Variants in NDUFA9 observed in about 807,000 individuals in gnomAD.
The protein encoded by NDUFA9 is NADH:ubiquinone oxidoreductase subunit A9, also known as NADH dehydrogenase [ubiquinone] 1 alpha subcomplex subunit 9, mitochondrial.
Under a neutral mutation model 45.9 loss-of-function variants are expected in NDUFA9, and 23 were observed. The observed-to-expected ratio is 0.50, with a 90% CI of 0.36 to 0.71. NDUFA9 has a LOEUF of 0.71. NDUFA9 is among the 30% of genes least tolerant of loss of function. The probability of loss-of-function intolerance (pLI) is 0.00; values close to 1 mark genes in which losing one functional copy is unlikely to be tolerated. For missense variants in NDUFA9, 466 were observed against 488.2 expected (o/e 0.95, Z 0.43); for synonymous variants, 176 against 170.5 (o/e 1.03, Z -0.25).
chr12:4,658,607 C>A (rs1482806308), intron 4 of NDUFA9, among the ~76,000 whole-genome samples: 1 of 152,138 alleles, frequency 6.6e-6, no homozygotes, highest in Non-Finnish European at 1.5e-5. Context: ...CTTTAAAGGG[C>A]CTCAGCCTCA....
intron 3 of NDUFA9, chr12:4,657,429 T>C: frequency 4.7e-6 from 1 of 210,632 alleles, no homozygotes; most frequent in Non-Finnish European, 9.5e-6. Context: ...CCTGGGTTTC[T>C]TTTCAAACTT....
rs565309065 is a variant in NDUFA9 at position 4,651,405 on chromosome 12, G to A, written c.49+2230G>A. Among the ~76,000 whole-genome samples, 4 of 152,074 alleles carry A rather than the reference G, an allele frequency of 2.6e-5. No homozygotes were observed. In the South Asian group the frequency reaches 8.3e-4, roughly 32 times the overall value. ...CACTGTGACAGATGCTTGCCCATAT[G>A]TTATTCTCATTAACCCTTTAAACTG... On this transcript the variant is annotated intron_variant, in intron 1 of 10. Transcript: ENST00000266544.
At chr12:4,664,108 G>A (rs753782579) in intron 6 of NDUFA9, among the ~76,000 whole-genome samples, 27 of 152,156 alleles carry the variant, frequency 1.8e-4, no homozygotes, top group Non-Finnish European at 1.5e-4. Flanking sequence ...GAGAGAAAGA[G>A]GAAATGAAGA....
chr12:4,666,279 G>A (rs1945852766), intron 6 of NDUFA9, among the ~76,000 whole-genome samples: 1 of 152,076 alleles, frequency 6.6e-6, no homozygotes, highest in Non-Finnish European at 1.5e-5. Flanking sequence ...TATTTATTCA[G>A]AACATTAAAT....
chr12:4,672,613 G>A (rs1945894186), intron 8 of NDUFA9, among the ~76,000 whole-genome samples: 1 of 152,208 alleles, frequency 6.6e-6, no homozygotes, highest in Non-Finnish European at 1.5e-5. Context: ...AAAGCCACCA[G>A]GAAGTTCAAA....
chr12:4,676,152 G>C (rs988072286), intron 8 of NDUFA9, among the ~76,000 whole-genome samples: 5 of 152,088 alleles, frequency 3.3e-5, no homozygotes, highest in African/African-American at 1.2e-4. Context: ...AAAATAATAA[G>C]AGCTATTTAT....
rs143792234 is a variant in NDUFA9 at position 4,655,033 on chromosome 12, G to A, written c.318+111G>A. ...TAATTTCTTCCCAGAATGGACCAAA[G>A]GCATCCTCTGTTCCCAGGTCATTCT... On this transcript the variant is annotated intron_variant, in intron 3 of 10. Coordinates refer to ENST00000266544, the MANE Select transcript of NDUFA9 (RefSeq NM_005002.5). 618 of 764,662 alleles carry A rather than the reference G, an allele frequency of 8.1e-4. 9 individuals are homozygous for A. In the East Asian group the frequency reaches 0.016, roughly 20 times the overall value. The allele number at this position is 764,662 out of a possible 1,614,324, so 47.4% of individuals were successfully genotyped here. A position where few individuals can be genotyped will look rare whatever the true frequency, so the allele number is the denominator to read the frequency against.
intron 1 of NDUFA9, 143 bp from the exon 2 acceptor site, chr12:4,654,149 T>C: frequency 2.8e-6 from 2 of 721,038 alleles, no homozygotes; most frequent in South Asian, 2.0e-5. Flanking sequence ...AGTTTGTGTT[T>C]ATTATTGCCC....
At chr12:4,669,475 C>T (rs2034257410) in intron 7 of NDUFA9, among the ~76,000 whole-genome samples, 1 of 152,138 alleles carries the variant, frequency 6.6e-6, no homozygotes, top group Admixed American at 6.5e-5. Context: ...TTGGATGAGC[C>T]TTGGATTATG....
chr12:4,665,193 A>G (rs1945846090), intron 6 of NDUFA9, among the ~76,000 whole-genome samples: 1 of 152,170 alleles, frequency 6.6e-6, no homozygotes, highest in South Asian at 2.1e-4. Context: ...CAATCCCCAG[A>G]ACTTTTTCAT....
chr12:4,659,270 A>G (rs1945809883), intron 5 of NDUFA9, 93 bp downstream of exon 5: 1 of 1,170,122 alleles, frequency 8.5e-7, no homozygotes, highest in Non-Finnish European at 1.2e-6. Flanking sequence ...TTTATCACAG[A>G]CATATGTAGA....
At chr12:4,654,529 G>T (rs1482636733) in intron 2 of NDUFA9, 67 bp downstream of exon 2, 4 of 1,513,274 alleles carry the variant, frequency 2.6e-6, no homozygotes, top group Non-Finnish European at 3.6e-6. Flanking sequence ...TGAGAAGCAT[G>T]AGCTATGTTT....
In NDUFA9 at chr12:4,668,441, T is replaced by TTC. The variant is rs1945865972; in HGVS notation, c.656-14_656-13dup. 3.1e-6 allele frequency: 5 copies of TTC among 1,608,578 alleles called. No individual in the cohort carries two copies. Among genetic ancestry groups the TTC allele is most frequent in the Non-Finnish European group, 3.4e-6 (4 of 1,175,050 alleles). On this transcript the variant is annotated splice_polypyrimidine_tract_variant and intron_variant, in intron 6 of 10. Coordinates refer to ENST00000266544, the MANE Select transcript of NDUFA9 (RefSeq NM_005002.5). ...TTAAGCCTTCTCAGTATAGTTCTCA[T>TTC]TCTTTCTTCCGCTAGGTATGCATCG...
chr12:4,653,534 GT>G, intron 1 of NDUFA9: 3 of 420,718 alleles, frequency 7.1e-6, no homozygotes, highest in Non-Finnish European at 1.4e-5. Flanking sequence ...GTTCATTCTA[GT>G]ACCAAGAACC....
rs369213754 is a variant in NDUFA9 at position 4,674,521 on chromosome 12, C to G, written c.800+4704C>G. ...GGAAAGCAAAAAAAGGCAGGAGTTGCAATCCTACTCTGATAAAACAGACTT... is the reference window on the plus strand; with the variant it reads ...GGAAAGCAAAAAAAGGCAGGAGTTGGAATCCTACTCTGATAAAACAGACTT... On this transcript the variant is annotated intron_variant, in intron 8 of 10. Coordinates refer to ENST00000266544, the MANE Select transcript of NDUFA9 (RefSeq NM_005002.5). 1.4e-4 allele frequency among the ~76,000 whole-genome samples: 22 copies of G among 152,272 alleles called. 1 individual carries two copies. In the South Asian group the frequency reaches 4.6e-3, roughly 32 times the overall value.
At chr12:4,676,544 A>G (rs1324596909) in intron 8 of NDUFA9, among the ~76,000 whole-genome samples, 3 of 152,246 alleles carry the variant, frequency 2.0e-5, no homozygotes, top group Non-Finnish European at 4.4e-5. Flanking sequence ...TTCATTCACA[A>G]TTGCTACAAA....
intron 8 of NDUFA9, among the ~76,000 whole-genome samples, chr12:4,679,566 A>C (rs192620519): frequency 6.6e-6 from 1 of 152,306 alleles, no homozygotes; most frequent in East Asian, 1.9e-4. Flanking sequence ...GTTGGCAACT[A>C]TATTGGATGC....
rs184964180 is a variant in NDUFA9, at chr12:4,661,599, A to C, written c.553-934A>C. Among the ~76,000 whole-genome samples the C allele has an allele frequency of 1.3e-5, 2 of 152,018 alleles. 1 individual carries two copies. Among genetic ancestry groups the C allele is most frequent in the Admixed American group, 1.3e-4 (2 of 15,252 alleles). Reference sequence around the variant, plus strand: ...GGACAAAGGGACAAGGTAGTTTACAATATTGGCAAGAGAGTGATGAGAAGA... The same window carrying C: ...GGACAAAGGGACAAGGTAGTTTACACTATTGGCAAGAGAGTGATGAGAAGA... On this transcript the variant is annotated intron_variant, in intron 5 of 10. Transcript: ENST00000266544.
intron 5 of NDUFA9, among the ~76,000 whole-genome samples, chr12:4,660,244 G>C (rs570274026): frequency 1.3e-5 from 2 of 152,296 alleles, no homozygotes; most frequent in Non-Finnish European, 2.9e-5. Flanking sequence ...CTGCGCTCCA[G>C]ACCAATTAAA....
Sources: gnomAD v4.1 joint callset for allele counts (sites outside exome capture counted in the v4.1 genomes callset) on GRCh38, gnomAD v4.1.1 for gene constraint, MANE v1.5 for transcripts, NCBI Gene and HGNC (gene_info 2026-07-23, HGNC 2026-07-21) for gene names.